SEC14L1: variants seen among roughly 807,000 people sequenced by gnomAD.
The protein encoded by SEC14L1 is SEC14-like protein 1.
SEC14L1 carries 48 observed loss-of-function variants against 85.3 expected under a neutral mutation model. That is an observed-to-expected ratio of 0.56 (90% confidence interval 0.45 to 0.72). The LOEUF is 0.72. SEC14L1 is among the 30% of genes least tolerant of loss of function. The pLI is 0.00. For synonymous variants in SEC14L1, 391 were observed against 355.5 expected, an observed-to-expected ratio of 1.10 and a Z score of -1.12; for missense variants, 682 against 921.4, an observed-to-expected ratio of 0.74 and a Z score of 3.36.
At chr17:77,203,380 A>G (rs1567931215) in intron 9 of SEC14L1, among the ~76,000 whole-genome samples, 190 bp from the exon 10 acceptor site, 1 of 152,194 alleles carries the variant, frequency 6.6e-6, no homozygotes, top group Admixed American at 6.5e-5. Context: ...TCTCGCTTAC[A>G]GCTTTTTGGG....
chr17:77,153,924 G>C (rs188346891), intron 3 of SEC14L1, among the ~76,000 whole-genome samples: 21 of 152,262 alleles, frequency 1.4e-4, no homozygotes, highest in Admixed American at 1.1e-3. Flanking sequence ...GAATTATTTT[G>C]CATGTTGTAA....
intron 3 of SEC14L1, among the ~76,000 whole-genome samples, chr17:77,116,681 C>T (rs1012172147): frequency 6.6e-6 from 1 of 152,216 alleles, no homozygotes; most frequent in Non-Finnish European, 1.5e-5. Context: ...AGAAGTAGTA[C>T]AGACATAAAT....
intron 3 of SEC14L1, among the ~76,000 whole-genome samples, chr17:77,111,508 G>C (rs1057219284): frequency 6.6e-6 from 1 of 152,188 alleles, no homozygotes; most frequent in South Asian, 2.1e-4. Context: ...CAGCCGGGAG[G>C]GGGGCTGAAC....
Position 77,143,577 on chromosome 17 carries a change from G to A in SEC14L1, c.-20G>A. The A allele has an allele frequency of 6.2e-7, 1 of 1,608,308 alleles. No individual in the cohort carries two copies. Among genetic ancestry groups the A allele is most frequent in the African/African-American group, 1.3e-5 (1 of 74,936 alleles). ...ATTTATGTTTTGCAGGTGTGAGAGGGTTGCTGTTGTATTGCAATCATGGTG... is the reference window on the plus strand; with the variant it reads ...ATTTATGTTTTGCAGGTGTGAGAGGATTGCTGTTGTATTGCAATCATGGTG... On this transcript the variant is annotated 5_prime_UTR_variant, in exon 3 of 17. Coordinates refer to ENST00000436233, the MANE Select transcript of SEC14L1 (RefSeq NM_001143998.2).
Position 77,213,766 on chromosome 17 carries a change from G to T in SEC14L1, c.2043-152G>T. The stretch of plus-strand genomic sequence containing the variant: ...CTGTGGGAAGCCGGTCCCCCTGGTG[G>T]GTTACTCATGTCCATCCCCCGTTTG... On this transcript the variant is annotated intron_variant, in intron 16 of 16. Coordinates refer to ENST00000436233, the MANE Select transcript of SEC14L1 (RefSeq NM_001143998.2). The surrounding 1 kb of genome is among the most constrained non-coding windows in gnomAD (Gnocchi z 7.1). 1.9e-6 allele frequency: 2 copies of T among 1,031,572 alleles called. No individual in the cohort carries two copies. The highest frequency in any genetic ancestry group is 1.5e-6 in the Non-Finnish European group (1 of 677,070). 63.9% of individuals were successfully genotyped at this position (1,031,572 alleles called of 1,614,324 possible).
chr17:77,209,662 T>C (rs773461115), intron 14 of SEC14L1, among the ~76,000 whole-genome samples, 186 bp downstream of exon 14: 1 of 152,204 alleles, frequency 6.6e-6, no homozygotes, highest in Non-Finnish European at 1.5e-5. Context: ...TGGGTCTCTC[T>C]CAGAATAGAA....
chr17:77,214,974 G>A lies in SEC14L1; in HGVS notation c.*951G>A. The stretch of plus-strand genomic sequence containing the variant: ...CACTGTCCATGGGGTTTTATTAGTA[G>A]CTAAGCAGCAGCTCTCGCATCCACT... On this transcript the variant is annotated 3_prime_UTR_variant, in exon 17 of 17. Coordinates refer to ENST00000436233, the MANE Select transcript of SEC14L1 (RefSeq NM_001143998.2). 1.0e-6 allele frequency: 1 copy of A among 985,428 alleles called. No individual in the cohort carries two copies. The highest frequency in any genetic ancestry group is 1.2e-6 in the Non-Finnish European group (1 of 829,992). 61.0% of individuals were successfully genotyped at this position (985,428 alleles called of 1,614,324 possible). A position where few individuals can be genotyped will look rare whatever the true frequency, so the allele number is the denominator to read the frequency against.
At chr17:77,111,162 G>A (rs1972035897) in intron 3 of SEC14L1, among the ~76,000 whole-genome samples, 2 of 150,772 alleles carry the variant, frequency 1.3e-5, no homozygotes, top group African/African-American at 4.9e-5. Context: ...CATTGCACTG[G>A]GTGACAGAGC....
At chr17:77,157,288 G>A (rs1347550646) in intron 3 of SEC14L1, among the ~76,000 whole-genome samples, 1 of 152,180 alleles carries the variant, frequency 6.6e-6, no homozygotes, top group African/African-American at 2.4e-5. Flanking sequence ...CTCCAAACAC[G>A]TATTATCTTC....
Position 77,100,348 on chromosome 17 carries a change from T to A in SEC14L1, c.-136+7001T>A, listed in dbSNP as rs1238350433. Among the ~76,000 whole-genome samples, 4 of 152,028 alleles carry A rather than the reference T, an allele frequency of 2.6e-5. 1 individual carries two copies. The highest frequency in any genetic ancestry group is 5.9e-5 in the Non-Finnish European group (4 of 67,966). ...GCCCTGCGCTGCAGTGTGTGCATTC[T>A]GTATTGTTGTCCCTGTTAATTTCCC... On this transcript the variant is annotated intron_variant, in intron 3 of 19. Coordinates refer to the SEC14L1 transcript ENST00000392476.
chr17:77,216,699 A>G lies in SEC14L1; in HGVS notation c.*2676A>G. The G allele has an allele frequency of 6.7e-7, 1 of 1,493,184 alleles. No individual in the cohort carries two copies. The highest frequency in any genetic ancestry group is 9.2e-7 in the Non-Finnish European group (1 of 1,083,760). 92.5% of individuals were successfully genotyped at this position (1,493,184 alleles called of 1,614,324 possible). ...CTTTTTAAGTTGATTCGGGAGTGGCATTCTTTTATACCCAAAGACTGTAGT... is the reference window on the plus strand; with the variant it reads ...CTTTTTAAGTTGATTCGGGAGTGGCGTTCTTTTATACCCAAAGACTGTAGT... On this transcript the variant is annotated 3_prime_UTR_variant, in exon 17 of 17. Transcript: ENST00000436233.
At chr17:77,105,377 C>CG (rs1490825607) in intron 3 of SEC14L1, among the ~76,000 whole-genome samples, 1 of 102,302 alleles carries the variant, frequency 9.8e-6, no homozygotes, top group Non-Finnish European at 1.9e-5. Flanking sequence ...CTGACCACCC[C>CG]CCCCCCCACC....
rs555422453 is a variant in SEC14L1, at chr17:77,194,832, A to T, written c.630A>T (p.Glu210Asp). 1.4e-5 allele frequency: 22 copies of T among 1,614,200 alleles called. No individual in the cohort carries two copies. Among genetic ancestry groups the T allele is most frequent in the Non-Finnish European group, 1.7e-5 (20 of 1,180,032 alleles). ...QAASMAVVIP[E>D]AALKEGLSGD... ...CGTCCATGGCCGTCGTCATCCCAGA[A>T]GCTGCCCTCAAGGAGGGGCTGAGTG... The change falls in exon 7 of 17, where the codon GAA (glutamate) becomes GAT (aspartate). Residue 210 changes from glutamate (E) to aspartate (D), a missense_variant. Glu to Asp is a conservative substitution (Grantham distance 45). This residue lies in a region of SEC14L1 where 123 missense variants were observed against 100.6 expected (regional missense o/e 1.22). Transcript: ENST00000436233.
In SEC14L1 at chr17:77,161,852, C is replaced by T. The variant is rs189076920; in HGVS notation, c.63+18193C>T. On this transcript the variant is annotated intron_variant, in intron 3 of 16. Transcript: ENST00000436233. ...TATATTTTAATTTTTGTTTGTTTCC[C>T]TTCCCTCCCCTCCCCTCCCCTCCCT... 1.2e-4 allele frequency among the ~76,000 whole-genome samples: 18 copies of T among 149,900 alleles called. No individual in the cohort carries two copies. The East Asian group carries it at 1.8e-3, about 15-fold the overall frequency.
chr17:77,112,166 GAAA>G (rs1972063036), intron 3 of SEC14L1, among the ~76,000 whole-genome samples: 1 of 152,122 alleles, frequency 6.6e-6, no homozygotes, highest in Non-Finnish European at 1.5e-5. Context: ...GCCCTGTGAA[GAAA>G]GTGCCTTTCT....
intron 3 of SEC14L1, chr17:77,185,502 A>T (rs1356635097): frequency 2.4e-6 from 1 of 423,140 alleles, no homozygotes; most frequent in African/African-American, 2.1e-5. Context: ...CCTTATGCTG[A>T]CCACTCTTGT....
intron 3 of SEC14L1, among the ~76,000 whole-genome samples, chr17:77,129,583 C>G (rs527795782): frequency 6.6e-6 from 1 of 152,260 alleles, no homozygotes; most frequent in Admixed American, 6.5e-5. Flanking sequence ...ATTTGGGGGT[C>G]TGAATGATCT....
At chr17:77,185,082 C>G in intron 3 of SEC14L1, 5 of 381,476 alleles carry the variant, frequency 1.3e-5, no homozygotes, top group Non-Finnish European at 1.8e-5. Context: ...AAACAAAAGG[C>G]AGGACTTATC....
At chr17:77,157,761 C>T (rs570783026) in intron 3 of SEC14L1, among the ~76,000 whole-genome samples, 1 of 152,198 alleles carries the variant, frequency 6.6e-6, no homozygotes, top group African/African-American at 2.4e-5. Context: ...CTCCTGACCT[C>T]GTGATGCGTC....
Sources: gnomAD v4.1 joint callset for allele counts (sites outside exome capture counted in the v4.1 genomes callset) on GRCh38, gnomAD v4.1.1 for gene constraint, gnomAD v4.1.1 regional missense constraint, Gnocchi (gnomAD v3.1) non-coding constraint, MANE v1.5 for transcripts, NCBI Gene and HGNC (gene_info 2026-07-23, HGNC 2026-07-21) for gene names.